The following NR2C1 variants were observed in gnomAD, a reference collection of about 807,000 sequenced individuals.
NR2C1 encodes the protein TR2 nuclear hormone receptor.
Under a neutral mutation model 74.8 loss-of-function variants are expected in NR2C1, and 33 were observed. The ratio of observed to expected loss-of-function variants is 0.44; its 90% CI spans 0.33 to 0.59. The LOEUF is 0.59. Among genes scored for constraint, NR2C1 ranks in the 20% least tolerant of loss-of-function variants. The pLI is 0.02. For missense variants in NR2C1, 568 were observed against 715.6 expected, an observed-to-expected ratio of 0.79 and a Z score of 2.35; for synonymous variants, 225 against 240.6, an observed-to-expected ratio of 0.94 and a Z score of 0.60.
At chr12:95,052,606 C>T (rs947484659) in intron 7 of NR2C1, among the ~76,000 whole-genome samples, 2 of 151,956 alleles carry the variant, frequency 1.3e-5, no homozygotes, top group African/African-American at 4.8e-5. Context: ...CAGGTGTGCA[C>T]TGCTATGCCT....
intron 1 of NR2C1, among the ~76,000 whole-genome samples, chr12:95,069,680 G>A (rs1876291917): frequency 6.6e-6 from 1 of 152,050 alleles, no homozygotes; most frequent in African/African-American, 2.4e-5. Flanking sequence ...TAACTCCGAA[G>A]ATAAGGCAAC....
intron 10 of NR2C1, among the ~76,000 whole-genome samples, chr12:95,033,290 A>G (rs1383559743): frequency 6.6e-6 from 1 of 152,192 alleles, no homozygotes; most frequent in Non-Finnish European, 1.5e-5. Flanking sequence ...ATATATGATT[A>G]TACATAATTT....
rs932437346 is a variant in NR2C1 at position 95,067,773 on chromosome 12, G to C, written c.-7-382C>G. ...AGATGGGGTCTCACTGTGTTGCCCA[G>C]GCTGGCCTCAAACTCCTGGGCTCAA... On this transcript the variant is annotated intron_variant, in intron 1 of 13. Coordinates refer to ENST00000333003, the MANE Select transcript of NR2C1 (RefSeq NM_003297.4). Among the ~76,000 whole-genome samples, 6 of 151,752 alleles carry C rather than the reference G, an allele frequency of 4.0e-5. No individual in the cohort carries two copies. The East Asian group carries it at 1.2e-3, about 29-fold the overall frequency.
At chr12:95,055,117 TTCTAACTAGATTCTTAAG>T (rs1873652747) in intron 7 of NR2C1, among the ~76,000 whole-genome samples, 1 of 152,224 alleles carries the variant, frequency 6.6e-6, no homozygotes, top group Non-Finnish European at 1.5e-5. Context: ...GAATTTTTCT[TTCTAACTAGATTCTTAAG>T]TTTTTGCCCC....
At chr12:95,032,838 C>G (rs962019685) in intron 10 of NR2C1, among the ~76,000 whole-genome samples, 15 of 152,084 alleles carry the variant, frequency 9.9e-5, no homozygotes, top group African/African-American at 3.6e-4. Context: ...TGTGGAGGTG[C>G]ACACCTATAG....
chr12:95,028,309 A>G, intron 12 of NR2C1, 78 bp downstream of exon 12: 2 of 1,205,756 alleles, frequency 1.7e-6, no homozygotes, highest in Non-Finnish European at 2.3e-6. Context: ...TTACATCCCC[A>G]CTTGCAACAT....
At chr12:95,068,430 TA>T (rs1360368361) in intron 1 of NR2C1, among the ~76,000 whole-genome samples, 1 of 152,110 alleles carries the variant, frequency 6.6e-6, no homozygotes, top group African/African-American at 2.4e-5. Flanking sequence ...CACTCAGGCA[TA>T]AACCCAATAA....
At chr12:95,044,830 C>T (rs1303045231) in intron 9 of NR2C1, among the ~76,000 whole-genome samples, 2 of 152,052 alleles carry the variant, frequency 1.3e-5, no homozygotes, top group Non-Finnish European at 2.9e-5. Flanking sequence ...TGCAGTGAGT[C>T]GCGATCATGC....
At chr12:95,071,559 T>G (rs1876619691) in intron 1 of NR2C1, among the ~76,000 whole-genome samples, 1 of 152,088 alleles carries the variant, frequency 6.6e-6, no homozygotes, top group Non-Finnish European at 1.5e-5. Flanking sequence ...AATCCTTCCT[T>G]AAGATGCGGT....
At chr12:95,062,458 A>ATT in intron 3 of NR2C1, 50 bp downstream of exon 3, 6 of 1,206,526 alleles carry the variant, frequency 5.0e-6, no homozygotes, top group Non-Finnish European at 7.0e-6. Context: ...TATGATTAAA[A>ATT]TTTTTTTTTT....
Position 95,022,202 on chromosome 12 carries a change from A to G in NR2C1, c.*27T>C. On this transcript the variant is annotated 3_prime_UTR_variant, in exon 14 of 14. Transcript: ENST00000333003. ...TCTTGTGTTCTGGCAAAGAACAGTT[A>G]AGTTTACAGCACTGCAGTCACAGTT... The G allele has an allele frequency of 6.4e-7, 1 of 1,557,058 alleles. No homozygotes were observed. Among genetic ancestry groups the G allele is most frequent in the South Asian group, 1.2e-5 (1 of 82,030 alleles).
chr12:95,050,567 C>G (rs2136153691), intron 8 of NR2C1, among the ~76,000 whole-genome samples: 1 of 152,166 alleles, frequency 6.6e-6, no homozygotes, highest in South Asian at 2.1e-4. Context: ...TCTCGGCCTC[C>G]TAAAGTGGTA....
chr12:95,066,611 A>G (rs553595440), intron 2 of NR2C1, among the ~76,000 whole-genome samples: 1 of 152,238 alleles, frequency 6.6e-6, no homozygotes, highest in African/African-American at 2.4e-5. Context: ...ACTATATTAA[A>G]ATCTGTTGGT....
intron 11 of NR2C1, among the ~76,000 whole-genome samples, chr12:95,030,258 G>A (rs1869904760): frequency 6.6e-6 from 1 of 152,122 alleles, no homozygotes; most frequent in African/African-American, 2.4e-5. Flanking sequence ...AAGTACATAA[G>A]ACTCAAATTT....
intron 9 of NR2C1, among the ~76,000 whole-genome samples, chr12:95,048,622 G>A (rs559542304): frequency 4.5e-4 from 59 of 130,516 alleles, no homozygotes; most frequent in African/African-American, 1.6e-3. Flanking sequence ...ATGCAGATGA[G>A]TTTTTTTTTT....
At chr12:95,026,022 A>G (rs1414563719) in intron 12 of NR2C1, among the ~76,000 whole-genome samples, 1 of 151,906 alleles carries the variant, frequency 6.6e-6, no homozygotes, top group Non-Finnish European at 1.5e-5. Context: ...CCTGGCCAAC[A>G]TGGTGAAACC....
chr12:95,054,126 A>C (rs1375805162), intron 7 of NR2C1, among the ~76,000 whole-genome samples: 1 of 152,220 alleles, frequency 6.6e-6, no homozygotes, highest in East Asian at 1.9e-4. Context: ...ATGGTCCAAA[A>C]ATCATTTACT....
intron 5 of NR2C1, 197 bp from the exon 6 acceptor site, chr12:95,058,075 T>A: frequency 1.5e-6 from 1 of 656,444 alleles, no homozygotes; most frequent in Non-Finnish European, 2.5e-6. Context: ...CCAATTTGCA[T>A]CTCTCATTCT....
At chr12:95,054,974 C>T (rs191923355) in intron 7 of NR2C1, among the ~76,000 whole-genome samples, 135 of 152,248 alleles carry the variant, frequency 8.9e-4, no homozygotes, top group Admixed American at 1.4e-3. Flanking sequence ...AGCATGCTGC[C>T]TTCAAGCATC....
Sources: allele counts gnomAD v4.1 joint callset (sites outside exome capture counted in the v4.1 genomes callset), GRCh38; gene constraint gnomAD v4.1.1; transcripts MANE v1.5; gene names NCBI Gene and HGNC (gene_info 2026-07-23, HGNC 2026-07-21).